Variants in SPAG16 observed in about 807,000 individuals in gnomAD.
SPAG16 encodes the protein sperm associated antigen 16.
A neutral mutation model predicts 80.4 loss-of-function variants in SPAG16; 86 were observed. That is an observed-to-expected ratio of 1.07 (90% CI 0.90 to 1.28). The LOEUF is 1.28. Ranked by LOEUF, SPAG16 falls within the 50% of genes most tolerant of loss-of-function variation. The pLI, the probability that SPAG16 is intolerant of heterozygous loss-of-function variation, is 0.00. For synonymous variants in SPAG16, 294 were observed against 265.9 expected (o/e 1.11, Z -1.03); for missense variants, 870 against 765.3 (o/e 1.14, Z -1.61).
intron 13 of SPAG16, among the ~76,000 whole-genome samples, chr2:214,035,459 C>A (rs915531222): frequency 6.6e-6 from 1 of 152,192 alleles, no homozygotes. Context: ...GCCCCTCAAC[C>A]CCCCTCACAT....
At chr2:213,384,258 C>T (rs1168157568) in intron 9 of SPAG16, among the ~76,000 whole-genome samples, 1 of 152,158 alleles carries the variant, frequency 6.6e-6, no homozygotes, top group African/African-American at 2.4e-5. Flanking sequence ...GTTTTCAAGT[C>T]TCCTACTTGG....
At chr2:213,736,850 G>A (rs1014140804) in intron 10 of SPAG16, among the ~76,000 whole-genome samples, 10 of 151,618 alleles carry the variant, frequency 6.6e-5, no homozygotes, top group African/African-American at 1.9e-4. Context: ...GATTACAGGC[G>A]CGCACCACCA....
chr2:214,297,953 T>C (rs1238669751), intron 15 of SPAG16, among the ~76,000 whole-genome samples: 2 of 151,598 alleles, frequency 1.3e-5, no homozygotes, highest in Non-Finnish European at 2.9e-5. Flanking sequence ...ATTTTAATAA[T>C]GTTTTCAGTT....
chr2:213,400,190 C>G (rs2068239805), intron 9 of SPAG16, among the ~76,000 whole-genome samples: 1 of 152,022 alleles, frequency 6.6e-6, no homozygotes, highest in Non-Finnish European at 1.5e-5. Context: ...TGCCTATAGT[C>G]TTTGAGTTTA....
intron 10 of SPAG16, among the ~76,000 whole-genome samples, chr2:213,845,324 A>C (rs1665275464): frequency 6.6e-6 from 1 of 151,440 alleles, no homozygotes; most frequent in Admixed American, 6.6e-5. Flanking sequence ...CAGCCTCCCG[A>C]GTAGCTGGGA....
chr2:213,439,131 C>T (rs2070796501), intron 9 of SPAG16, among the ~76,000 whole-genome samples: 1 of 152,164 alleles, frequency 6.6e-6, no homozygotes, highest in Admixed American at 6.5e-5. Context: ...CCAGTCAATT[C>T]CTACTCACAC....
chr2:213,776,358 G>T (rs550691960), intron 10 of SPAG16, among the ~76,000 whole-genome samples: 2 of 152,270 alleles, frequency 1.3e-5, no homozygotes, highest in African/African-American at 4.8e-5. Context: ...TAAGGAATGT[G>T]GGTGATCACT....
At chr2:213,498,319 C>T (rs971038135) in intron 10 of SPAG16, among the ~76,000 whole-genome samples, 5 of 151,970 alleles carry the variant, frequency 3.3e-5, no homozygotes, top group African/African-American at 1.2e-4. Flanking sequence ...AATTGACTTA[C>T]TTATTTTTTT....
At position 213,930,055 on chromosome 2, in the gene SPAG16, G is replaced by C. The variant is rs375189866; in HGVS notation, c.1310G>C (p.Arg437Pro). 6.2e-7 allele frequency: 1 copy of C among 1,614,018 alleles called. No individual in the cohort carries two copies. Among genetic ancestry groups the C allele is most frequent in the East Asian group, 2.2e-5 (1 of 44,880 alleles). ...DCILTFEGHS[R>P]AVWSCTWHSC... ...ATTTTGACCTTTGAAGGACACAGCC[G>C]CGCAGTGTGGTCCTGCACATGGCAC... is the stretch of plus-strand genomic sequence containing the variant. The change falls in exon 12 of 16, where the codon CGC becomes CCC. Residue 437 changes from arginine (R) to proline (P), a missense_variant. Physicochemically the swap from Arg to Pro is moderately radical, Grantham distance 103. Transcript: ENST00000331683.
chr2:214,203,500 A>G (rs1010338952), intron 15 of SPAG16, among the ~76,000 whole-genome samples: 11 of 152,192 alleles, frequency 7.2e-5, no homozygotes, highest in Non-Finnish European at 1.5e-4. Flanking sequence ...GTGACTGTCC[A>G]AAGTATGAAA....
At chr2:213,916,684 A>C (rs1229787908) in intron 11 of SPAG16, among the ~76,000 whole-genome samples, 1 of 152,152 alleles carries the variant, frequency 6.6e-6, no homozygotes, top group Non-Finnish European at 1.5e-5. Flanking sequence ...ACACATGGGG[A>C]TTATCACAAT....
intron 10 of SPAG16, among the ~76,000 whole-genome samples, chr2:213,833,540 A>ATATATATATTATATATAT (rs2073884056): frequency 1.1e-3 from 1 of 904 alleles, no homozygotes; most frequent in Non-Finnish European, 1.6e-3. Flanking sequence ...ATTATATATA[A>ATATATATATTATATATAT]TATATATAAT....
At chr2:213,621,979 A>G (rs1335718267) in intron 10 of SPAG16, among the ~76,000 whole-genome samples, 2 of 152,190 alleles carry the variant, frequency 1.3e-5, no homozygotes, top group African/African-American at 4.8e-5. Context: ...AGGAGGAACT[A>G]TAGCCTGTGG....
At chr2:213,626,007 G>A (rs766211767) in intron 10 of SPAG16, among the ~76,000 whole-genome samples, 3 of 152,064 alleles carry the variant, frequency 2.0e-5, no homozygotes, top group Non-Finnish European at 2.9e-5. Context: ...AAAATCTTAA[G>A]TTTTGTTATT....
intron 10 of SPAG16, among the ~76,000 whole-genome samples, chr2:213,664,540 G>T (rs1283678332): frequency 6.6e-6 from 1 of 152,058 alleles, no homozygotes; most frequent in Non-Finnish European, 1.5e-5. Context: ...CAAGCTCTCT[G>T]AGTTTAAACA....
intron 11 of SPAG16, among the ~76,000 whole-genome samples, chr2:213,902,891 A>G (rs893392948): frequency 2.0e-5 from 3 of 152,186 alleles, no homozygotes. Context: ...AAATGGGAGA[A>G]ATTCGTCAAA....
intron 15 of SPAG16, among the ~76,000 whole-genome samples, chr2:214,230,885 G>C (rs938532261): frequency 2.0e-5 from 3 of 151,964 alleles, no homozygotes; most frequent in African/African-American, 7.2e-5. Flanking sequence ...TTGAAAACAA[G>C]ATGGGCCAAA....
At chr2:213,499,031 C>A (rs527396488) in intron 10 of SPAG16, among the ~76,000 whole-genome samples, 1 of 152,158 alleles carries the variant, frequency 6.6e-6, no homozygotes, top group South Asian at 2.1e-4. Context: ...GCTTTAAAAT[C>A]TTTATTTTTC....
At chr2:213,840,483 T>G (rs2074309136) in intron 10 of SPAG16, among the ~76,000 whole-genome samples, 1 of 152,178 alleles carries the variant, frequency 6.6e-6, no homozygotes, top group Admixed American at 6.5e-5. Flanking sequence ...AACAAAATAT[T>G]TGTTAAACTT....
Sources: gnomAD v4.1 joint callset for allele counts (sites outside exome capture counted in the v4.1 genomes callset) on GRCh38, gnomAD v4.1.1 for gene constraint, MANE v1.5 for transcripts, NCBI Gene and HGNC (gene_info 2026-07-23, HGNC 2026-07-21) for gene names.